RNU12: variants seen among roughly 807,000 people sequenced by gnomAD.
RNU12 encodes RNA, U12 small nuclear 1.
At chr22:42,615,345 A>C (rs79126439) in exon 1 of RNU12, 1 of 161,406 alleles carries the variant, frequency 6.2e-6, no homozygotes, top group Non-Finnish European at 1.4e-5. Context: ...GGTCGCCCTC[A>C]AGGTGACCCG....
exon 1 of RNU12, chr22:42,615,316 G>A (rs150936838): frequency 1.0e-3 from 174 of 174,694 alleles, no homozygotes; most frequent in Non-Finnish European, 1.7e-3. Context: ...AATGTGAGAC[G>A]AATTTTTGAG....
exon 1 of RNU12, chr22:42,615,245 TG>T (rs1927440839): frequency 4.3e-6 from 1 of 231,346 alleles, no homozygotes; most frequent in Non-Finnish European, 8.7e-6. Context: ...AACGTCCTTA[TG>T]CCTTAAACTT....
exon 1 of RNU12, chr22:42,615,307 A>G (rs995740478): frequency 3.3e-5 from 6 of 182,298 alleles, no homozygotes; most frequent in African/African-American, 7.2e-5. Context: ...CTCACTGCTA[A>G]TGTGAGACGA....
At chr22:42,615,306 A>G (rs564543861) in exon 1 of RNU12, 19 of 183,770 alleles carry the variant, frequency 1.0e-4, no homozygotes, top group Non-Finnish European at 1.7e-4. Context: ...CCTCACTGCT[A>G]ATGTGAGACG....
rs59723509 is a variant in RNU12, at chr22:42,615,340, C to T, written n.97C>T. 1,310 of 162,848 alleles carry T rather than the reference C, an allele frequency of 8.0e-3. 20 individuals carry two copies. The highest frequency in any genetic ancestry group is 0.027 in the African/African-American group (1,127 of 41,588). The allele number at this position is 162,848 out of a possible 1,614,324, so 10.1% of individuals were successfully genotyped here. A position where few individuals can be genotyped will look rare whatever the true frequency, so the allele number is the denominator to read the frequency against. ...CGAATTTTTGAGCGGGTAAAGGTCG[C>T]CCTCAAGGTGACCCGCCTACTTTGC... On this transcript the variant is annotated non_coding_transcript_exon_variant, in exon 1 of 1. Transcript: ENST00000362512.
chr22:42,615,278 T>C (rs892133433), exon 1 of RNU12: 16 of 202,272 alleles, frequency 7.9e-5, no homozygotes, highest in African/African-American at 3.6e-4. Flanking sequence ...AAATAACGAT[T>C]CGGGGTGACG....
chr22:42,615,391 C>T (rs1254934608), exon 1 of RNU12: 2 of 155,770 alleles, frequency 1.3e-5, no homozygotes, highest in South Asian at 1.6e-4. Context: ...TGCGATCTGC[C>T]CGACCTTATT....
chr22:42,615,336 G>GT (rs2146848397), exon 1 of RNU12: 1 of 170,166 alleles, frequency 5.9e-6, no homozygotes, highest in East Asian at 1.9e-4. Context: ...GCGGGTAAAG[G>GT]TCGCCCTCAA....
At chr22:42,615,292 G>A (rs574655982) in exon 1 of RNU12, 23 of 206,096 alleles carry the variant, frequency 1.1e-4, no homozygotes, top group Admixed American at 3.5e-4. Flanking sequence ...GGTGACGCCC[G>A]AATCCTCACT....
chr22:42,615,288 GC>G (rs1490356845), exon 1 of RNU12: 2 of 205,552 alleles, frequency 9.7e-6, no homozygotes, highest in South Asian at 5.4e-5. Context: ...TCGGGGTGAC[GC>G]CCGAATCCTC....
chr22:42,615,363 T>A (rs1038921841), exon 1 of RNU12: 1 of 157,278 alleles, frequency 6.4e-6, no homozygotes, highest in African/African-American at 2.4e-5. Flanking sequence ...CCGCCTACTT[T>A]GCGGGATGCC....
In RNU12 at chr22:42,615,374, TG is replaced by T. The variant is rs1368817475; in HGVS notation, n.134del. ...TGACCCGCCTACTTTGCGGGATGCC[TG>T]GGAGTTGCGATCTGCCCGACCTTAT... On this transcript the variant is annotated non_coding_transcript_exon_variant, in exon 1 of 1. Coordinates refer to ENST00000362512, the Ensembl canonical transcript of RNU12. 3 of 156,916 alleles carry T rather than the reference TG, an allele frequency of 1.9e-5. No individual in the cohort carries two copies. The highest frequency in any genetic ancestry group is 2.4e-5 in the African/African-American group (1 of 41,466). The allele number at this position is 156,916 out of a possible 1,614,324, so 9.7% of individuals were successfully genotyped here. A position where few individuals can be genotyped will look rare whatever the true frequency, so the allele number is the denominator to read the frequency against.
chr22:42,615,373 C>T (rs187150287), exon 1 of RNU12: 48 of 156,974 alleles, frequency 3.1e-4, no homozygotes, highest in East Asian at 1.7e-3. Context: ...TGCGGGATGC[C>T]TGGGAGTTGC....
exon 1 of RNU12, chr22:42,615,355 G>C (rs931488071): frequency 1.9e-5 from 3 of 157,674 alleles, no homozygotes; most frequent in Non-Finnish European, 4.2e-5. Context: ...AAGGTGACCC[G>C]CCTACTTTGC....
rs535739286 is a variant in RNU12 at position 42,615,332 on chromosome 22, A to G, written n.89A>G. On this transcript the variant is annotated non_coding_transcript_exon_variant, in exon 1 of 1. Coordinates refer to ENST00000362512, the Ensembl canonical transcript of RNU12. ...ATGTGAGACGAATTTTTGAGCGGGTAAAGGTCGCCCTCAAGGTGACCCGCC... is the reference window on the plus strand; with the variant it reads ...ATGTGAGACGAATTTTTGAGCGGGTGAAGGTCGCCCTCAAGGTGACCCGCC... 1.7e-4 allele frequency: 30 copies of G among 171,484 alleles called. No individual in the cohort carries two copies. The highest frequency in any genetic ancestry group is 2.7e-4 in the Non-Finnish European group (21 of 78,744). 10.6% of individuals were successfully genotyped at this position (171,484 alleles called of 1,614,324 possible).
At chr22:42,615,266 G>A (rs975344652) in exon 1 of RNU12, 20 of 205,440 alleles carry the variant, frequency 9.7e-5, no homozygotes, top group East Asian at 1.7e-4. Flanking sequence ...TATGAGTAAG[G>A]AAAATAACGA....
rs180887630 is a variant in RNU12, at chr22:42,615,315, C to G, written n.72C>G. On this transcript the variant is annotated non_coding_transcript_exon_variant, in exon 1 of 1. Transcript: ENST00000362512. ...CCGAATCCTCACTGCTAATGTGAGA[C>G]GAATTTTTGAGCGGGTAAAGGTCGC... 9.3e-5 allele frequency: 16 copies of G among 171,318 alleles called. No homozygotes were observed. In the South Asian group the frequency reaches 1.3e-3, roughly 14 times the overall value. 10.6% of individuals were successfully genotyped at this position (171,318 alleles called of 1,614,324 possible). A position where few individuals can be genotyped will look rare whatever the true frequency, so the allele number is the denominator to read the frequency against.
exon 1 of RNU12, chr22:42,615,276 A>T (rs866130732): frequency 3.0e-5 from 6 of 203,310 alleles, no homozygotes; most frequent in East Asian, 1.8e-4. Context: ...GAAAATAACG[A>T]TTCGGGGTGA....
exon 1 of RNU12, chr22:42,615,336 G>C (rs183474901): frequency 5.9e-6 from 1 of 170,048 alleles, no homozygotes; most frequent in South Asian, 9.8e-5. Flanking sequence ...GCGGGTAAAG[G>C]TCGCCCTCAA....
Sources: allele counts gnomAD v4.1 joint callset, GRCh38; gene constraint gnomAD v4.1.1; transcripts MANE v1.5; gene names NCBI Gene and HGNC (gene_info 2026-07-23, HGNC 2026-07-21).